The following KCNIP4 variants were observed in gnomAD, a reference collection of about 807,000 sequenced individuals.
KCNIP4 encodes potassium voltage-gated channel interacting protein 4.
KCNIP4 carries 12 observed loss-of-function variants against 34.0 expected under a neutral mutation model. The ratio of observed to expected loss-of-function variants is 0.35; its 90% CI spans 0.23 to 0.57. The LOEUF (loss-of-function observed/expected upper bound fraction) is 0.57. KCNIP4 is among the 20% of genes least tolerant of loss of function. The pLI, the probability that KCNIP4 is intolerant of heterozygous loss-of-function variation, is 0.83. For missense variants in KCNIP4, 238 were observed against 311.7 expected, an observed-to-expected ratio of 0.76 and a Z score of 1.78; for synonymous variants, 124 against 102.2, an observed-to-expected ratio of 1.21 and a Z score of -1.29.
chr4:21,763,519 G>C (rs1464150141), intron 1 of KCNIP4, among the ~76,000 whole-genome samples: 1 of 152,130 alleles, frequency 6.6e-6, no homozygotes, highest in Non-Finnish European at 1.5e-5. Flanking sequence ...GCCTTAGCTA[G>C]TATTAAAGGG....
intron 1 of KCNIP4, among the ~76,000 whole-genome samples, chr4:21,947,073 T>C (rs764036750): frequency 9.2e-5 from 14 of 152,162 alleles, no homozygotes; most frequent in Non-Finnish European, 1.8e-4. Flanking sequence ...ATTCCTGCCA[T>C]CTGCTCCAGC....
intron 1 of KCNIP4, among the ~76,000 whole-genome samples, chr4:20,988,511 T>A (rs955321728): frequency 7.9e-5 from 12 of 152,240 alleles, no homozygotes; most frequent in African/African-American, 2.7e-4. Flanking sequence ...CACCACGTGA[T>A]AGTCTCGGTT....
intron 1 of KCNIP4, among the ~76,000 whole-genome samples, chr4:21,503,487 T>C (rs1301190974): frequency 2.6e-5 from 4 of 152,228 alleles, no homozygotes; most frequent in Admixed American, 2.0e-4. Flanking sequence ...TAACCAGTTA[T>C]ATTTTGCACT....
chr4:21,049,305 T>A (rs540238036), intron 1 of KCNIP4, among the ~76,000 whole-genome samples: 1 of 152,256 alleles, frequency 6.6e-6, no homozygotes, highest in South Asian at 2.1e-4. Flanking sequence ...CAGAGATACA[T>A]AGTTACCCTC....
At position 20,996,876 on chromosome 4, in the gene KCNIP4, A is replaced by T. The variant is rs112646850; in HGVS notation, c.62-114167T>A. The stretch of plus-strand genomic sequence containing the variant: ...CTCATTCATCTCACTGTCTCCAGGA[A>T]CTAGGAGAGAGATTGTCAGTTACAG... On this transcript the variant is annotated intron_variant, in intron 1 of 8. Coordinates refer to ENST00000382152, the MANE Select transcript of KCNIP4 (RefSeq NM_025221.6). Among the ~76,000 whole-genome samples, 272 of 152,220 alleles carry T rather than the reference A, an allele frequency of 1.8e-3. 3 individuals carry two copies. The highest frequency in any genetic ancestry group is 5.7e-3 in the African/African-American group (235 of 41,534).
chr4:20,946,712 C>T (rs12642219), intron 1 of KCNIP4, among the ~76,000 whole-genome samples: 6,694 of 152,186 alleles, frequency 0.044, 317 homozygotes, highest in African/African-American at 0.12. Flanking sequence ...GGCACCGTGT[C>T]TTAGTGAGCA....
At chr4:21,914,178 A>G (rs1427451282) in intron 1 of KCNIP4, among the ~76,000 whole-genome samples, 1 of 152,196 alleles carries the variant, frequency 6.6e-6, no homozygotes, top group Non-Finnish European at 1.5e-5. Context: ...GTTAGGAAGG[A>G]AGTCACTAGA....
At chr4:21,658,110 T>G (rs1167824037) in intron 1 of KCNIP4, among the ~76,000 whole-genome samples, 1 of 152,186 alleles carries the variant, frequency 6.6e-6, no homozygotes, top group East Asian at 1.9e-4. Context: ...AGTGCTGCGA[T>G]TATAGGCGTG....
At position 21,740,897 on chromosome 4, in the gene KCNIP4, T is replaced by C. The variant is rs144179077; in HGVS notation, c.61+207674A>G. 8.7e-3 allele frequency among the ~76,000 whole-genome samples: 1,331 copies of C among 152,214 alleles called. 19 individuals carry two copies. Among genetic ancestry groups the C allele is most frequent in the South Asian group, 0.039 (187 of 4,820 alleles). On this transcript the variant is annotated intron_variant, in intron 1 of 8. Coordinates refer to ENST00000382152, the MANE Select transcript of KCNIP4 (RefSeq NM_025221.6). ...TCAAGAAAAGAAAATATGCTCAGGG[T>C]ATTACATTGCCCTAAAGCAAACATT...
chr4:21,666,363 T>A lies in KCNIP4; in HGVS notation c.61+282208A>T, dbSNP rs1748961673. ...CCAAATGCATCATTGCAACGGATCA[T>A]CTCCCCACATTACTGTATCCATTAT... On this transcript the variant is annotated intron_variant, in intron 1 of 8. Transcript: ENST00000382152. Among the ~76,000 whole-genome samples the A allele has an allele frequency of 2.0e-5, 3 of 152,318 alleles. No homozygotes were observed. In the South Asian group the frequency reaches 6.2e-4, roughly 32 times the overall value.
intron 1 of KCNIP4, among the ~76,000 whole-genome samples, chr4:21,058,181 A>G (rs1743589542): frequency 6.6e-6 from 1 of 152,148 alleles, no homozygotes; most frequent in African/African-American, 2.4e-5. Flanking sequence ...CAAGGCAGAA[A>G]TGAGGAAAGA....
At chr4:20,874,203 A>G (rs915563692) in intron 2 of KCNIP4, among the ~76,000 whole-genome samples, 1 of 152,220 alleles carries the variant, frequency 6.6e-6, no homozygotes, top group Admixed American at 6.5e-5. Context: ...CCCAGAAGGG[A>G]TAAGTAGCTT....
Position 20,920,365 on chromosome 4 carries a change from T to C in KCNIP4, c.62-37656A>G, listed in dbSNP as rs558314027. On this transcript the variant is annotated intron_variant, in intron 1 of 8. Coordinates refer to ENST00000382152, the MANE Select transcript of KCNIP4 (RefSeq NM_025221.6). Reference sequence around the variant, plus strand: ...AAGATTTTGAAATGATTAAAATTTGTATAATAACATTAATAATCATTGTAA... The same window carrying C: ...AAGATTTTGAAATGATTAAAATTTGCATAATAACATTAATAATCATTGTAA... Among the ~76,000 whole-genome samples, 9 of 152,344 alleles carry C rather than the reference T, an allele frequency of 5.9e-5. No homozygotes were observed. The East Asian group carries it at 1.5e-3, about 26-fold the overall frequency.
intron 1 of KCNIP4, among the ~76,000 whole-genome samples, chr4:21,578,349 AAAAAAAAAAGAG>A (rs1740919046): frequency 3.3e-5 from 5 of 150,734 alleles, no homozygotes; most frequent in Middle Eastern, 3.4e-3. Flanking sequence ...AAAAAAAAAA[AAAAAAAAAAGAG>A]TTCATGCTAG....
At chr4:20,935,797 T>C (rs1731001607) in intron 1 of KCNIP4, among the ~76,000 whole-genome samples, 1 of 152,122 alleles carries the variant, frequency 6.6e-6, no homozygotes, top group Non-Finnish European at 1.5e-5. Flanking sequence ...CAACCAATAA[T>C]CTCAGTTCTT....
At chr4:21,446,984 A>C (rs887013709) in intron 1 of KCNIP4, among the ~76,000 whole-genome samples, 1 of 152,044 alleles carries the variant, frequency 6.6e-6, no homozygotes, top group Non-Finnish European at 1.5e-5. Flanking sequence ...AAGCTACTAT[A>C]AACAGGTGCA....
chr4:21,417,729 G>A (rs1408548234), intron 1 of KCNIP4, among the ~76,000 whole-genome samples: 2 of 152,116 alleles, frequency 1.3e-5, no homozygotes, highest in Admixed American at 1.3e-4. Flanking sequence ...CCTTTGTGGG[G>A]CAGAAAGTAG....
intron 1 of KCNIP4, among the ~76,000 whole-genome samples, chr4:21,334,459 C>T (rs2109331929): frequency 6.6e-6 from 1 of 152,034 alleles, no homozygotes; most frequent in Admixed American, 6.6e-5. Flanking sequence ...GTTAAATAAC[C>T]TTAAGGTCTT....
chr4:21,294,019 T>A (rs888978212), intron 1 of KCNIP4, among the ~76,000 whole-genome samples: 7 of 152,184 alleles, frequency 4.6e-5, no homozygotes, highest in Non-Finnish European at 1.0e-4. Flanking sequence ...GGTGAGTGGC[T>A]GAAATTTCAC....
Sources: allele counts gnomAD v4.1 joint callset (sites outside exome capture counted in the v4.1 genomes callset), GRCh38; gene constraint gnomAD v4.1.1; transcripts MANE v1.5; gene names NCBI Gene and HGNC (gene_info 2026-07-23, HGNC 2026-07-21).